PCDH15: variants seen among roughly 807,000 people sequenced by gnomAD.
PCDH15 encodes the protein protocadherin related 15.
Under a neutral mutation model 178.5 loss-of-function variants are expected in PCDH15, and 129 were observed. The ratio of observed to expected loss-of-function variants is 0.72; its 90% CI spans 0.63 to 0.84. The LOEUF is 0.84. PCDH15 is among the 40% of genes least tolerant of loss of function. PCDH15 has a pLI of 0.00. For synonymous variants in PCDH15, 800 were observed against 732.0 expected, an observed-to-expected ratio of 1.09 and a Z score of -1.50; for missense variants, 2,230 against 2,099.9, an observed-to-expected ratio of 1.06 and a Z score of -1.21.
At chr10:53,867,151 C>A (rs2079520098) in intron 26 of PCDH15, among the ~76,000 whole-genome samples, 4 of 151,980 alleles carry the variant, frequency 2.6e-5, no homozygotes, top group Admixed American at 2.6e-4. Flanking sequence ...TTCCTTTTAC[C>A]CTTACCAGCC....
chr10:54,953,283 A>G (rs1420340800), intron 2 of PCDH15, among the ~76,000 whole-genome samples: 1 of 151,502 alleles, frequency 6.6e-6, no homozygotes, highest in African/African-American at 2.4e-5. Context: ...ATAATCATAT[A>G]TATTTTTCTT....
At chr10:54,595,715 C>A (rs1336859177) in intron 2 of PCDH15, among the ~76,000 whole-genome samples, 1 of 151,966 alleles carries the variant, frequency 6.6e-6, no homozygotes, top group Non-Finnish European at 1.5e-5. Flanking sequence ...TATTAAGATA[C>A]AGAAGGTAAC....
chr10:54,996,850 C>T lies in PCDH15; in HGVS notation c.-79-99350G>A, dbSNP rs146048369. ...TGCTGGCTGGGCGCGGTGGCTCACACCTGTAATCCCAGCACTTTGGGAGCC... is the reference window on the plus strand; with the variant it reads ...TGCTGGCTGGGCGCGGTGGCTCACATCTGTAATCCCAGCACTTTGGGAGCC... On this transcript the variant is annotated intron_variant, in intron 2 of 5. Coordinates refer to the PCDH15 transcript ENST00000458638. Among the ~76,000 whole-genome samples, 581 of 152,142 alleles carry T rather than the reference C, an allele frequency of 3.8e-3. 3 individuals are homozygous for T. The highest frequency in any genetic ancestry group is 0.013 in the African/African-American group (533 of 41,500).
chr10:54,177,061 G>A (rs750563429), intron 13 of PCDH15, among the ~76,000 whole-genome samples: 1 of 152,026 alleles, frequency 6.6e-6, no homozygotes, highest in African/African-American at 2.4e-5. Context: ...TAAATAAACT[G>A]TGTTACATCT....
intron 27 of PCDH15, among the ~76,000 whole-genome samples, chr10:53,859,874 G>A (rs1206668978): frequency 2.6e-5 from 4 of 152,100 alleles, no homozygotes; most frequent in African/African-American, 9.7e-5. Context: ...CAGCCTCAGA[G>A]GAAGACCAAA....
chr10:55,319,163 T>C (rs942471518), intron 1 of PCDH15, among the ~76,000 whole-genome samples: 1 of 151,962 alleles, frequency 6.6e-6, no homozygotes, highest in Non-Finnish European at 1.5e-5. Flanking sequence ...AAGGAGCAGT[T>C]CAAAGTAAAC....
At chr10:54,979,690 G>T (rs1202859599) in intron 2 of PCDH15, among the ~76,000 whole-genome samples, 1 of 143,732 alleles carries the variant, frequency 7.0e-6, no homozygotes, top group African/African-American at 2.5e-5. Flanking sequence ...AAAAAAACCA[G>T]AATTTTATTT....
chr10:54,874,837 A>C (rs567331074), intron 3 of PCDH15, among the ~76,000 whole-genome samples: 92 of 152,270 alleles, frequency 6.0e-4, no homozygotes, highest in African/African-American at 2.0e-3. Context: ...TTTACACTTT[A>C]ATTTATTCAT....
intron 14 of PCDH15, among the ~76,000 whole-genome samples, chr10:54,151,804 C>T (rs889156179): frequency 7.2e-5 from 11 of 151,976 alleles, no homozygotes; most frequent in African/African-American, 2.7e-4. Flanking sequence ...AACAAAAACA[C>T]TGAACTAGCT....
chr10:54,737,722 T>C (rs1944298331), intron 1 of PCDH15, among the ~76,000 whole-genome samples: 1 of 152,094 alleles, frequency 6.6e-6, no homozygotes, highest in Admixed American at 6.6e-5. Flanking sequence ...AAGTTCTGAA[T>C]CTATGGCAAA....
chr10:54,444,576 T>C (rs2076032413), intron 3 of PCDH15, among the ~76,000 whole-genome samples: 1 of 151,744 alleles, frequency 6.6e-6, no homozygotes, highest in African/African-American at 2.4e-5. Flanking sequence ...TTCATACAGT[T>C]TCAACTGTGA....
intron 3 of PCDH15, among the ~76,000 whole-genome samples, chr10:54,414,056 C>T (rs1460258591): frequency 1.3e-5 from 2 of 152,052 alleles, no homozygotes; most frequent in Non-Finnish European, 2.9e-5. Flanking sequence ...TATGACAAAA[C>T]AACACTTGTA....
At chr10:53,868,928 C>G (rs1564644966) in intron 26 of PCDH15, among the ~76,000 whole-genome samples, 1 of 152,164 alleles carries the variant, frequency 6.6e-6, no homozygotes, top group African/African-American at 2.4e-5. Context: ...AAGCTAGCCT[C>G]ACATGTCAGC....
At chr10:55,299,709 CT>C (rs1375363741) in intron 1 of PCDH15, among the ~76,000 whole-genome samples, 2 of 152,160 alleles carry the variant, frequency 1.3e-5, no homozygotes, top group African/African-American at 4.8e-5. Flanking sequence ...AATGCTAATA[CT>C]CAGAATTGGA....
rs576323525 is a variant in PCDH15 at position 54,533,273 on chromosome 10, C to T, written c.92-5396G>A. On this transcript the variant is annotated intron_variant, in intron 2 of 37. Coordinates refer to ENST00000644397, the MANE Select transcript of PCDH15 (RefSeq NM_001384140.1). ...GAAAGTCTCAATTTCCAAGAACCTA[C>T]GGACAATATTAACTGAAGACTTACT... is the stretch of plus-strand genomic sequence containing the variant. Among the ~76,000 whole-genome samples, 11 of 152,124 alleles carry T rather than the reference C, an allele frequency of 7.2e-5. No individual in the cohort carries two copies. The East Asian group carries it at 7.7e-4, about 11-fold the overall frequency.
chr10:55,316,275 T>C (rs1843719831), intron 1 of PCDH15, among the ~76,000 whole-genome samples: 1 of 152,152 alleles, frequency 6.6e-6, no homozygotes. Flanking sequence ...CAGGGAAACT[T>C]ACAGCTTGAC....
At chr10:54,783,895 G>T (rs1950597530) in intron 1 of PCDH15, among the ~76,000 whole-genome samples, 1 of 152,014 alleles carries the variant, frequency 6.6e-6, no homozygotes, top group Non-Finnish European at 1.5e-5. Flanking sequence ...CCCAAGACTG[G>T]GCAATTTACA....
In PCDH15 at chr10:54,133,002, G is replaced by A. The variant is rs960966107; in HGVS notation, c.1790C>T (p.Ser597Phe). The A allele has an allele frequency of 1.2e-6, 2 of 1,614,024 alleles. No homozygotes were observed. Among genetic ancestry groups the A allele is most frequent in the Non-Finnish European group, 1.7e-6 (2 of 1,179,940 alleles). Residue 597 changes from serine (S) to phenylalanine (F), a missense_variant, in exon 15 of 38, where the codon TCC becomes TTC. Coordinates refer to ENST00000644397, the MANE Select transcript of PCDH15 (RefSeq NM_001384140.1). The part of the protein sequence containing the change: ...DNAPPAERRN[S>F]ICTVYIEVLP... ...CACTTCAATATACACAGTGCAGATG[G>A]AGTTCCTGCAGAGAAAGAGAGGAAA...
rs1182698599 is a variant in PCDH15, at chr10:53,804,874, A to AGG, written c.*1703_*1704dup. 6.6e-6 allele frequency: 1 copy of AGG among 151,884 alleles called. No homozygotes were observed. Among genetic ancestry groups the AGG allele is most frequent in the Non-Finnish European group, 1.5e-5 (1 of 67,914 alleles). 9.4% of individuals were successfully genotyped at this position (151,884 alleles called of 1,614,324 possible). A position where few individuals can be genotyped will look rare whatever the true frequency, so the allele number is the denominator to read the frequency against. On this transcript the variant is annotated 3_prime_UTR_variant, in exon 38 of 38. Transcript: ENST00000644397. The stretch of plus-strand genomic sequence containing the variant: ...GTGGATGCTTGTTTGGCAGGCCAGG[A>AGG]GGTGTGGTCATGATTCTACGTTTCT...
Sources: allele counts gnomAD v4.1 joint callset (sites outside exome capture counted in the v4.1 genomes callset), GRCh38; gene constraint gnomAD v4.1.1; transcripts MANE v1.5; gene names NCBI Gene and HGNC (gene_info 2026-07-23, HGNC 2026-07-21).